CLIC1: variants seen among roughly 807,000 people sequenced by gnomAD.
CLIC1 encodes the protein chloride intracellular channel protein 1.
In CLIC1, 16 loss-of-function variants were observed where a neutral mutation model predicts 26.4. The observed-to-expected ratio is 0.61, with a 90% CI of 0.41 to 0.92. The LOEUF is 0.92. Ranked by LOEUF, CLIC1 falls within the 40% of genes least tolerant of loss-of-function variation. The pLI is 0.00. For missense variants in CLIC1, 225 were observed against 289.7 expected, an observed-to-expected ratio of 0.78 and a Z score of 1.62; for synonymous variants, 98 against 120.8, an observed-to-expected ratio of 0.81 and a Z score of 1.24.
At position 31,733,803 on chromosome 6, in the gene CLIC1, C is replaced by T. The variant is rs569218674; in HGVS notation, c.275+33G>A. 1.2e-6 allele frequency: 2 copies of T among 1,612,320 alleles called. No homozygotes were observed. The highest frequency in any genetic ancestry group is 1.7e-6 in the Non-Finnish European group (2 of 1,178,424). On this transcript the variant is annotated intron_variant, in intron 3 of 5. Coordinates refer to ENST00000375784, the Ensembl canonical transcript of CLIC1. This position sits in a 1 kb window ranked among gnomAD's most constrained non-coding sequence, Gnocchi z 5.4. ...CTGTCTGTTTCCCAGAATCTCCCTGCTCCACCTCTCCACTTTCTGAGTGCC... is the reference window on the plus strand; with the variant it reads ...CTGTCTGTTTCCCAGAATCTCCCTGTTCCACCTCTCCACTTTCTGAGTGCC...
At chr6:31,736,581 AG>A, upstream of CLIC1, 1 of 1,327,730 alleles carries the variant, frequency 7.5e-7, no homozygotes, top group Admixed American at 3.3e-5. The surrounding 1 kb of genome is among the most constrained non-coding windows in gnomAD (Gnocchi z 5.0). Context: ...AGGGGACTGG[AG>A]GGGGGCGGGA....
intron 5 of CLIC1, 118 bp from the exon 6 acceptor site, chr6:31,731,121 T>G (rs955540049): frequency 1.1e-5 from 8 of 749,730 alleles, no homozygotes; most frequent in Non-Finnish European, 1.5e-5. Flanking sequence ...TCTTGTACTG[T>G]CGTTAGCCTT....
At position 31,733,360 on chromosome 6, in the gene CLIC1, G is replaced by A. The variant is rs559104171; in HGVS notation, c.382+206C>T. On this transcript the variant is annotated intron_variant, in intron 4 of 5. Transcript: ENST00000375784. This position sits in a 1 kb window ranked among gnomAD's most constrained non-coding sequence, Gnocchi z 5.4. ...TCCTCAGTGGGGCAGAAGAGGCTAG[G>A]GAACAAATGAGAAAAGCTTAAAAGT... Among the ~76,000 whole-genome samples the A allele has an allele frequency of 6.6e-6, 1 of 152,232 alleles. No individual in the cohort carries two copies. The highest frequency in any genetic ancestry group is 1.9e-4 in the East Asian group (1 of 5,182).
rs1171893553 is a variant in CLIC1 at position 31,733,199 on chromosome 6, C to T, written c.382+367G>A. Among the ~76,000 whole-genome samples the T allele has an allele frequency of 6.6e-6, 1 of 152,128 alleles. No individual in the cohort carries two copies. The highest frequency in any genetic ancestry group is 1.9e-4 in the East Asian group (1 of 5,182). ...CTAATTTTGTGGATCTGGAAATGGA[C>T]TTACAGAGAGGTGAAATGATTGCTC... On this transcript the variant is annotated intron_variant, in intron 4 of 5. Transcript: ENST00000375784. This position sits in a 1 kb window ranked among gnomAD's most constrained non-coding sequence, Gnocchi z 5.4.
Position 31,733,127 on chromosome 6 carries a change from A to T in CLIC1, c.382+439T>A, listed in dbSNP as rs1453332727. Among the ~76,000 whole-genome samples, 1 of 146,944 alleles carries T rather than the reference A, an allele frequency of 6.8e-6. No homozygotes were observed. The highest frequency in any genetic ancestry group is 1.5e-5 in the Non-Finnish European group (1 of 66,698). ...AGAACGAGACTCCATCTCAAAAAAA[A>T]AGAAAAAAAAAAATTTATATCAACC... On this transcript the variant is annotated intron_variant, in intron 4 of 5. Coordinates refer to ENST00000375784, the Ensembl canonical transcript of CLIC1. The surrounding 1 kb of genome is among the most constrained non-coding windows in gnomAD (Gnocchi z 5.4).
rs546596497 is a variant in CLIC1 at position 31,731,526 on chromosome 6, T to TCCTAAC, written c.565-529_565-524dup. ...CATGTTGGCCAGGCTGGTCTCGAAC[T>TCCTAAC]CCTAACCTCAGGTGGTCCACCAGCC... On this transcript the variant is annotated intron_variant, in intron 5 of 5. Transcript: ENST00000375784. Among the ~76,000 whole-genome samples the TCCTAAC allele has an allele frequency of 9.3e-4, 142 of 152,342 alleles. 1 individual carries two copies. In the South Asian group the frequency reaches 0.026, roughly 28 times the overall value.
chr6:31,731,382 A>T (rs1807932072), intron 5 of CLIC1, among the ~76,000 whole-genome samples: 1 of 151,530 alleles, frequency 6.6e-6, no homozygotes, highest in Non-Finnish European at 1.5e-5. Context: ...GCTCACTGCA[A>T]CCTCCGCCTC....
intron 5 of CLIC1, 100 bp from the exon 6 acceptor site, chr6:31,731,103 C>T: frequency 9.8e-7 from 1 of 1,017,836 alleles, no homozygotes; most frequent in Non-Finnish European, 1.5e-6. Context: ...CAGCTCAACT[C>T]CTCACTGTCT....
chr6:31,736,974 G>A (rs561286836), upstream of CLIC1: 181 of 985,288 alleles, frequency 1.8e-4, 2 homozygotes, highest in East Asian at 0.018. This position sits in a 1 kb window ranked among gnomAD's most constrained non-coding sequence, Gnocchi z 5.0. Flanking sequence ...TAGCCATGCA[G>A]CCTGGGATTA....
In CLIC1 at chr6:31,732,051, A is replaced by G. The variant is rs1445961030; in HGVS notation, c.564+166T>C. Reference sequence around the variant, plus strand: ...ATCTCAAGCAGTGGTCTTGTTAGCAATGACTGCTGCAAAGGACTGGGGTGG... The same window carrying G: ...ATCTCAAGCAGTGGTCTTGTTAGCAGTGACTGCTGCAAAGGACTGGGGTGG... On this transcript the variant is annotated intron_variant, in intron 5 of 5. Coordinates refer to ENST00000375784, the Ensembl canonical transcript of CLIC1. This position sits in a 1 kb window ranked among gnomAD's most constrained non-coding sequence, Gnocchi z 5.0. Among the ~76,000 whole-genome samples the G allele has an allele frequency of 6.6e-6, 1 of 152,202 alleles. No homozygotes were observed. The highest frequency in any genetic ancestry group is 2.4e-5 in the African/African-American group (1 of 41,446).
chr6:31,736,554 C>T lies in CLIC1; in HGVS notation c.-254G>A. The T allele has an allele frequency of 7.4e-7, 1 of 1,351,132 alleles. No individual in the cohort carries two copies. Among genetic ancestry groups the T allele is most frequent in the South Asian group, 1.9e-5 (1 of 53,432 alleles). 83.7% of individuals were successfully genotyped at this position (1,351,132 alleles called of 1,614,324 possible). Reference sequence around the variant, plus strand: ...AGAGCCGCTGACTCACCGACCGGCCCCGCCCTGAACCTGGGGAGGGGACTG... The same window carrying T: ...AGAGCCGCTGACTCACCGACCGGCCTCGCCCTGAACCTGGGGAGGGGACTG... On this transcript the variant is annotated 5_prime_UTR_variant, in exon 1 of 6. Coordinates refer to ENST00000375784, the Ensembl canonical transcript of CLIC1. The surrounding 1 kb of genome is among the most constrained non-coding windows in gnomAD (Gnocchi z 5.0).
Position 31,734,339 on chromosome 6 carries a change from C to A in CLIC1, c.40-76G>T, listed in dbSNP as rs188156453. 255 of 1,072,036 alleles carry A rather than the reference C, an allele frequency of 2.4e-4. No individual in the cohort carries two copies. The African/African-American group carries it at 3.6e-3, about 15-fold the overall frequency. 66.4% of individuals were successfully genotyped at this position (1,072,036 alleles called of 1,614,324 possible). A position where few individuals can be genotyped will look rare whatever the true frequency, so the allele number is the denominator to read the frequency against. ...CTAGGCCAGTCCCTGCATTCCCACT[C>A]CCAGACCAGCTGTTTTCTGCCTAGT... On this transcript the variant is annotated intron_variant, in intron 1 of 5. Coordinates refer to ENST00000375784, the Ensembl canonical transcript of CLIC1. The surrounding 1 kb of genome is among the most constrained non-coding windows in gnomAD (Gnocchi z 5.3).
rs1562192498 is a variant in CLIC1 at position 31,730,883 on chromosome 6, T to C, written c.685A>G (p.Ile229Val). ...GCCACTTGCTCATAGGCGAGCTCGA[T>C]CTCCTCATCATCTGGACAGGTGGAA... The change falls in exon 6 of 6, where the codon ATC (isoleucine) becomes GTC (valine). Residue 229 changes from isoleucine to valine, a missense_variant. Physicochemically the swap from Ile to Val is conservative, Grantham distance 29 (BLOSUM62 3). Coordinates refer to ENST00000375784, the Ensembl canonical transcript of CLIC1. This position sits in a 1 kb window ranked among gnomAD's most constrained non-coding sequence, Gnocchi z 5.1. 1 of 1,612,934 alleles carries C rather than the reference T, an allele frequency of 6.2e-7. No homozygotes were observed. Among genetic ancestry groups the C allele is most frequent in the South Asian group, 1.1e-5 (1 of 91,082 alleles).
chr6:31,733,729 G>GC lies in CLIC1; in HGVS notation c.276-58dup. On this transcript the variant is annotated intron_variant, in intron 3 of 5. Transcript: ENST00000375784. This position sits in a 1 kb window ranked among gnomAD's most constrained non-coding sequence, Gnocchi z 5.4. ...GTCTTCCTGGGAGGAACCTCAGCTA[G>GC]CTCTCCTGCCCCAGCCCCACCACCA... is the stretch of plus-strand genomic sequence containing the variant. 6.2e-7 allele frequency: 1 copy of GC among 1,604,312 alleles called. No homozygotes were observed. Among genetic ancestry groups the GC allele is most frequent in the Non-Finnish European group, 8.5e-7 (1 of 1,171,648 alleles).
Position 31,730,881 on chromosome 6 carries a change from G to T in CLIC1, c.687C>A (p.Ile229=), listed in dbSNP as rs1438842649. ...TTGCCACTTGCTCATAGGCGAGCTC[G>T]ATCTCCTCATCATCTGGACAGGTGG... Residue 229 remains isoleucine, a synonymous_variant, in exon 6 of 6, where the codon ATC becomes ATA. Coordinates refer to ENST00000375784, the Ensembl canonical transcript of CLIC1. This position sits in a 1 kb window ranked among gnomAD's most constrained non-coding sequence, Gnocchi z 5.1. 6.2e-7 allele frequency: 1 copy of T among 1,612,966 alleles called. No individual in the cohort carries two copies. The highest frequency in any genetic ancestry group is 1.3e-5 in the African/African-American group (1 of 74,914).
At position 31,733,940 on chromosome 6, in the gene CLIC1, C is replaced by T; in HGVS notation, c.171G>A (p.Lys57=). Residue 57 remains lysine, a synonymous_variant, in exon 3 of 6, where the codon AAG becomes AAA. Transcript: ENST00000375784. This position sits in a 1 kb window ranked among gnomAD's most constrained non-coding sequence, Gnocchi z 5.4. ...ATGGGAGCTGCCCCCCTGGGCACAG[C>T]TTCTGCACTGTCTCGGTCCGCCTGG... The T allele has an allele frequency of 6.2e-7, 1 of 1,613,848 alleles. No homozygotes were observed. The highest frequency in any genetic ancestry group is 2.2e-5 in the East Asian group (1 of 44,876).
Position 31,736,556 on chromosome 6 carries a change from G to C in CLIC1, c.-256C>G, listed in dbSNP as rs770754261. 4.7e-5 allele frequency: 63 copies of C among 1,350,670 alleles called. No individual in the cohort carries two copies. Among genetic ancestry groups the C allele is most frequent in the Non-Finnish European group, 6.0e-5 (63 of 1,050,018 alleles). 83.7% of individuals were successfully genotyped at this position (1,350,670 alleles called of 1,614,324 possible). ...AGCCGCTGACTCACCGACCGGCCCC[G>C]CCCTGAACCTGGGGAGGGGACTGGA... On this transcript the variant is annotated 5_prime_UTR_variant, in exon 1 of 6. Coordinates refer to ENST00000375784, the Ensembl canonical transcript of CLIC1. This position sits in a 1 kb window ranked among gnomAD's most constrained non-coding sequence, Gnocchi z 5.0.
rs750335406 is a variant in CLIC1, at chr6:31,734,635, A to G, written c.40-372T>C. 2.0e-5 allele frequency among the ~76,000 whole-genome samples: 3 copies of G among 152,184 alleles called. No homozygotes were observed. The highest frequency in any genetic ancestry group is 4.4e-5 in the Non-Finnish European group (3 of 68,036). ...TTCCTGAAGGGAGTAGAGTCTGAAG[A>G]CAGGAGAGGTGGGTGGGGTTTGGGA... On this transcript the variant is annotated intron_variant, in intron 1 of 5. Coordinates refer to ENST00000375784, the Ensembl canonical transcript of CLIC1. The surrounding 1 kb of genome is among the most constrained non-coding windows in gnomAD (Gnocchi z 5.3).
chr6:31,736,930 G>C (rs1808368035), upstream of CLIC1: 1 of 985,624 alleles, frequency 1.0e-6, no homozygotes, highest in Admixed American at 6.1e-5. This position sits in a 1 kb window ranked among gnomAD's most constrained non-coding sequence, Gnocchi z 5.0. Context: ...GAAGAACTCG[G>C]AAGTGGAAGG....
Sources: gnomAD v4.1 joint callset for allele counts (sites outside exome capture counted in the v4.1 genomes callset) on GRCh38, gnomAD v4.1.1 for gene constraint, Gnocchi (gnomAD v3.1) non-coding constraint, MANE v1.5 for transcripts, NCBI Gene and HGNC (gene_info 2026-07-23, HGNC 2026-07-21) for gene names.